Variants in LOC122539214 observed in about 807,000 individuals in gnomAD.
chr19:52,671,188 T>C, the LOC122539214 span, among the ~76,000 whole-genome samples: 16 of 152,266 alleles, frequency 1.1e-4, no homozygotes, highest in African/African-American at 3.9e-4. Context: ...CTTTGCCATA[T>C]GTTTTGTGGT....
At chr19:52,652,864 C>G in the LOC122539214 span, 1 of 1,003,490 alleles carries the variant, frequency 1.0e-6, no homozygotes, top group Admixed American at 1.8e-5. Context: ...TGACATATGA[C>G]TGAAGGTCTT....
the LOC122539214 span, among the ~76,000 whole-genome samples, chr19:52,666,875 G>A: frequency 6.6e-6 from 1 of 152,132 alleles, no homozygotes; most frequent in Admixed American, 6.5e-5. Context: ...GACATAATGG[G>A]TATTCAATAA....
At chr19:52,681,303 C>CAAAAAAAAAAAAAAAAAAAAAAAA in the LOC122539214 span, among the ~76,000 whole-genome samples, 10 of 78,310 alleles carry the variant, frequency 1.3e-4, no homozygotes, top group Non-Finnish European at 2.0e-4. Flanking sequence ...AAAAAAAAAG[C>CAAAAAAAAAAAAAAAAAAAAAAAA]AAACGAACAT....
chr19:52,655,354 T>C, the LOC122539214 span: 14 of 494,570 alleles, frequency 2.8e-5, no homozygotes, highest in African/African-American at 2.0e-4. Flanking sequence ...AAAGTGTTCA[T>C]GAATGTTCTG....
the LOC122539214 span, among the ~76,000 whole-genome samples, chr19:52,686,511 AAAAG>A: frequency 1.3e-5 from 2 of 151,180 alleles, no homozygotes; most frequent in Admixed American, 6.6e-5. Context: ...AAGAAAAAAA[AAAAG>A]AAATCTATTA....
chr19:52,682,629 C>T, the LOC122539214 span, among the ~76,000 whole-genome samples: 3 of 152,076 alleles, frequency 2.0e-5, no homozygotes, highest in African/African-American at 7.2e-5. Context: ...GATTGCACCA[C>T]TGCTCTCCAG....
the LOC122539214 span, among the ~76,000 whole-genome samples, chr19:52,687,432 TTATATAGC>T: frequency 5.3e-5 from 1 of 18,850 alleles, no homozygotes; most frequent in South Asian, 1.2e-3. Flanking sequence ...AAATTATAAT[TTATATAGC>T]TATATAAATT....
the LOC122539214 span, among the ~76,000 whole-genome samples, chr19:52,656,115 A>G: frequency 6.6e-6 from 1 of 152,112 alleles, no homozygotes; most frequent in African/African-American, 2.4e-5. Flanking sequence ...TGGGAGGCTG[A>G]GGTAGGAGTA....
At chr19:52,687,388 TA>T in the LOC122539214 span, among the ~76,000 whole-genome samples, 2 of 60,588 alleles carry the variant, frequency 3.3e-5, no homozygotes, top group African/African-American at 3.6e-4. Flanking sequence ...AATTTATATA[TA>T]TATAATTTAT....
At chr19:52,666,853 C>T in the LOC122539214 span, among the ~76,000 whole-genome samples, 28 of 152,208 alleles carry the variant, frequency 1.8e-4, no homozygotes, top group Middle Eastern at 6.8e-3. Flanking sequence ...TCCCAGGTGA[C>T]TGAGGGAAAA....
At chr19:52,683,970 C>T in the LOC122539214 span, among the ~76,000 whole-genome samples, 4 of 152,102 alleles carry the variant, frequency 2.6e-5, no homozygotes, top group Admixed American at 1.3e-4. Context: ...ACAGTGACTC[C>T]CGTCTGCAAT....
the LOC122539214 span, among the ~76,000 whole-genome samples, chr19:52,665,190 G>C: frequency 1.3e-5 from 2 of 152,076 alleles, no homozygotes; most frequent in African/African-American, 4.8e-5. Flanking sequence ...CTTTCCTAGA[G>C]CCACTGCCTG....
At chr19:52,689,666 C>T in the LOC122539214 span, among the ~76,000 whole-genome samples, 933 of 152,246 alleles carry the variant, frequency 6.1e-3, 2 homozygotes, top group Non-Finnish European at 9.7e-3. Context: ...TGTCTCTTGG[C>T]AAATCCCTCA....
chr19:52,660,228 G>C, the LOC122539214 span, among the ~76,000 whole-genome samples: 1 of 152,130 alleles, frequency 6.6e-6, no homozygotes, highest in Non-Finnish European at 1.5e-5. Context: ...GCTGGGGGTA[G>C]GGATGGAATC....
the LOC122539214 span, among the ~76,000 whole-genome samples, chr19:52,670,519 T>C: frequency 6.6e-6 from 1 of 152,228 alleles, no homozygotes; most frequent in East Asian, 1.9e-4. Context: ...TATTTGGTGC[T>C]ATTTCTTTTG....
chr19:52,660,160 C>T, the LOC122539214 span, among the ~76,000 whole-genome samples: 9 of 152,088 alleles, frequency 5.9e-5, no homozygotes, highest in South Asian at 1.2e-3. Context: ...CAGTAGTAAG[C>T]TTTGCTTAAG....
At chr19:52,690,427 A>G in the LOC122539214 span, 1 of 178,138 alleles carries the variant, frequency 5.6e-6, no homozygotes, top group South Asian at 1.0e-4. Flanking sequence ...ACTTAATACA[A>G]AACAGCGAAA....
the LOC122539214 span, among the ~76,000 whole-genome samples, chr19:52,687,323 A>ATT: frequency 1.5e-5 from 2 of 136,312 alleles, no homozygotes; most frequent in Non-Finnish European, 1.5e-5. Context: ...CCGTTTTACA[A>ATT]TTATATATAT....
chr19:52,686,968 G>A, the LOC122539214 span, among the ~76,000 whole-genome samples: 2 of 151,902 alleles, frequency 1.3e-5, no homozygotes, highest in Non-Finnish European at 2.9e-5. Flanking sequence ...GATCACCTGA[G>A]GTCAGGAGTT....
Sources: allele counts gnomAD v4.1 joint callset (sites outside exome capture counted in the v4.1 genomes callset), GRCh38; gene constraint gnomAD v4.1.1; transcripts MANE v1.5.